The following VAMP7 variants were observed in gnomAD, a reference collection of about 807,000 sequenced individuals.
VAMP7 encodes vesicle associated membrane protein 7.
VAMP7 carries 14 observed loss-of-function variants against 29.6 expected under a neutral mutation model. That is an observed-to-expected ratio of 0.47 (90% confidence interval 0.31 to 0.74). VAMP7 has a LOEUF of 0.74. Among genes scored for constraint, VAMP7 ranks in the 30% least tolerant of loss-of-function variants. VAMP7 has a pLI of 0.05. For synonymous variants in VAMP7, 95 were observed against 88.1 expected, an observed-to-expected ratio of 1.08 and a Z score of -0.44; for missense variants, 223 against 262.4, an observed-to-expected ratio of 0.85 and a Z score of 1.04.
intron 7 of VAMP7, among the ~76,000 whole-genome samples, 183 bp from the exon 8 acceptor site, chrX:155,941,700 A>C (rs1836835566): frequency 6.6e-6 from 1 of 152,110 alleles, no homozygotes; most frequent in South Asian, 2.1e-4. Flanking sequence ...GTTATACCAA[A>C]AACGACAATG....
intron 5 of VAMP7, among the ~76,000 whole-genome samples, chrX:155,908,615 C>CTTTG (rs60815755): frequency 0.65 from 97,761 of 151,180 alleles, 32,059 homozygotes; most frequent in African/African-American, 0.77. Context: ...CTTGTGATGT[C>CTTTG]TTTGGTTTTG....
intron 4 of VAMP7, among the ~76,000 whole-genome samples, chrX:155,898,619 A>G (rs2066018637): frequency 6.6e-6 from 1 of 152,052 alleles, no homozygotes; most frequent in Non-Finnish European, 1.5e-5. Flanking sequence ...AACCCAAATT[A>G]ATAATTTGAA....
intron 3 of VAMP7, 104 bp downstream of exon 3, chrX:155,895,784 G>T: frequency 1.1e-6 from 1 of 887,068 alleles, no homozygotes; most frequent in Non-Finnish European, 1.8e-6. Flanking sequence ...GCTGCAGACC[G>T]GTACAGGTCT....
At chrX:155,935,196 A>T (rs2066630587) in intron 6 of VAMP7, among the ~76,000 whole-genome samples, 1 of 151,774 alleles carries the variant, frequency 6.6e-6, no homozygotes, top group South Asian at 2.1e-4. Context: ...GCTCTTCTCG[A>T]GGAGTATCTT....
At chrX:155,910,864 AC>A in intron 5 of VAMP7, among the ~76,000 whole-genome samples, 1 of 152,222 alleles carries the variant, frequency 6.6e-6, no homozygotes. Flanking sequence ...ATAGTTTGCA[AC>A]TATTTTCTCC....
rs749923707 is a variant in VAMP7 at position 155,898,128 on chromosome X, G to A, written c.221G>A (p.Arg74Gln). The A allele has an allele frequency of 3.8e-5, 61 of 1,611,884 alleles. No homozygotes were observed. Among genetic ancestry groups the A allele is most frequent in the Admixed American group, 5.0e-5 (3 of 59,820 alleles). ...CITDDDFERS[R>Q]AFNFLNEIKK... ...TCTTTTCAGGATTTTGAACGTTCCC[G>A]AGCCTTTAATTTTCTGAATGAGATA... Residue 74 changes from arginine to glutamine, a missense_variant, in exon 4 of 8, where the codon CGA (arginine) becomes CAA (glutamine). Transcript: ENST00000286448.
intron 1 of VAMP7, among the ~76,000 whole-genome samples, chrX:155,884,187 G>T (rs2065839275): frequency 6.6e-6 from 1 of 151,958 alleles, no homozygotes; most frequent in South Asian, 2.1e-4. Context: ...GAGTGCAATG[G>T]CATGATCTTG....
intron 2 of VAMP7, among the ~76,000 whole-genome samples, chrX:155,893,752 C>T (rs2065952775): frequency 6.6e-6 from 1 of 152,208 alleles, no homozygotes; most frequent in African/African-American, 2.4e-5. Flanking sequence ...TCTTAAGTGC[C>T]TCCCAAAGGC....
At position 155,895,685 on chromosome X, in the gene VAMP7, G is replaced by A. The variant is rs1184064705; in HGVS notation, c.204+5G>A. The A allele has an allele frequency of 6.2e-7, 1 of 1,605,750 alleles. No individual in the cohort carries two copies. Among genetic ancestry groups the A allele is most frequent in the Non-Finnish European group, 8.5e-7 (1 of 1,172,694 alleles). ...TATCTTTGTATCACTGATGATGTAA[G>A]TAACTTGAAGACATATTGCTATTTA... On this transcript the variant is annotated splice_donor_5th_base_variant and intron_variant, in intron 3 of 7. Coordinates refer to ENST00000286448, the MANE Select transcript of VAMP7 (RefSeq NM_005638.6).
chrX:155,902,799 A>G (rs1267072709), intron 5 of VAMP7, among the ~76,000 whole-genome samples: 3 of 149,062 alleles, frequency 2.0e-5, no homozygotes, highest in Non-Finnish European at 4.5e-5. Flanking sequence ...TTTTGCATCA[A>G]TGTTCATCAA....
intron 5 of VAMP7, among the ~76,000 whole-genome samples, chrX:155,918,268 C>T (rs1307460510): frequency 7.6e-6 from 1 of 132,178 alleles, no homozygotes; most frequent in Non-Finnish European, 1.6e-5. Context: ...ATATACTGAG[C>T]TAGACCACTT....
At position 155,881,407 on chromosome X, in the gene VAMP7, CT is replaced by C; in HGVS notation, c.-50del. The C allele has an allele frequency of 1.3e-5, 2 of 152,440 alleles. No individual in the cohort carries two copies. Among genetic ancestry groups the C allele is most frequent in the South Asian group, 2.1e-4 (1 of 4,816 alleles). 9.4% of individuals were successfully genotyped at this position (152,440 alleles called of 1,614,324 possible). A position where few individuals can be genotyped will look rare whatever the true frequency, so the allele number is the denominator to read the frequency against. ...GGCGACCCTGCACTGACCCGCGTCC[CT>C]CCGTCCCGAGCCCGCGCGCCCTCAG... On this transcript the variant is annotated 5_prime_UTR_variant, in exon 1 of 8. Transcript: ENST00000286448.
intron 7 of VAMP7, 106 bp from the exon 8 acceptor site, chrX:155,941,777 A>G: frequency 7.9e-7 from 1 of 1,269,954 alleles, no homozygotes; most frequent in East Asian, 2.5e-5. Flanking sequence ...CTGCTACTCT[A>G]ATGGAATCAG....
chrX:155,897,733 C>G (rs2066005108), intron 3 of VAMP7, among the ~76,000 whole-genome samples: 1 of 152,088 alleles, frequency 6.6e-6, no homozygotes, highest in Non-Finnish European at 1.5e-5. Flanking sequence ...GTGAAAGACT[C>G]TATGATTATT....
chrX:155,912,977 A>G (rs1364091447), intron 5 of VAMP7, among the ~76,000 whole-genome samples: 4 of 152,172 alleles, frequency 2.6e-5, no homozygotes, highest in African/African-American at 9.6e-5. Flanking sequence ...ACTTCCACCA[A>G]CAGTGTAAAA....
At chrX:155,898,353 G>T in intron 4 of VAMP7, 104 bp downstream of exon 4, 1 of 1,413,212 alleles carries the variant, frequency 7.1e-7, no homozygotes, top group Non-Finnish European at 9.5e-7. Flanking sequence ...TTTTCTGATT[G>T]TGTTACTGTA....
intron 6 of VAMP7, among the ~76,000 whole-genome samples, chrX:155,922,371 A>C (rs73234597): frequency 6.6e-6 from 1 of 152,188 alleles, no homozygotes; most frequent in Non-Finnish European, 1.5e-5. Context: ...GGTTAACTGT[A>C]GATTTTTTGT....
intron 5 of VAMP7, among the ~76,000 whole-genome samples, chrX:155,917,861 C>T (rs147161312): frequency 0.024 from 3,665 of 152,226 alleles, 61 homozygotes; most frequent in Non-Finnish European, 0.035. Flanking sequence ...TGCTCTCTTC[C>T]GAACTGGCAG....
In VAMP7 at chrX:155,919,429, G is replaced by T. The variant is rs183698158; in HGVS notation, c.434-384G>T. Among the ~76,000 whole-genome samples, 17 of 152,222 alleles carry T rather than the reference G, an allele frequency of 1.1e-4. No individual in the cohort carries two copies. The East Asian group carries it at 2.7e-3, about 24-fold the overall frequency. On this transcript the variant is annotated intron_variant, in intron 5 of 7. Coordinates refer to ENST00000286448, the MANE Select transcript of VAMP7 (RefSeq NM_005638.6). ...CTATGGTCACTTCTTCCAATTTTTA[G>T]ATTTGCTTTAATATGCAAGGACTTT... is the stretch of plus-strand genomic sequence containing the variant.
Sources: gnomAD v4.1 joint callset for allele counts (sites outside exome capture counted in the v4.1 genomes callset) on GRCh38, gnomAD v4.1.1 for gene constraint, MANE v1.5 for transcripts, NCBI Gene and HGNC (gene_info 2026-07-23, HGNC 2026-07-21) for gene names.